Variants in SOX6 observed in about 807,000 individuals in gnomAD.
SOX6 encodes transcription factor SOX-6.
Under a neutral mutation model 97.8 loss-of-function variants are expected in SOX6, and 11 were observed. The ratio of observed to expected loss-of-function variants is 0.11; its 90% confidence interval spans 0.07 to 0.19. The LOEUF is 0.19. Among genes scored for constraint, SOX6 ranks in the 10% least tolerant of loss-of-function variants. The pLI is 1.00. For missense variants in SOX6, 810 were observed against 1,039.5 expected (o/e 0.78, Z 3.04); for synonymous variants, 360 against 371.4 (o/e 0.97, Z 0.35).
intron 4 of SOX6, among the ~76,000 whole-genome samples, chr11:16,581,238 C>T (rs1848029718): frequency 6.6e-6 from 1 of 152,098 alleles, no homozygotes; most frequent in South Asian, 2.1e-4. Context: ...AAATGTGGTA[C>T]ACATACACCA....
At chr11:16,727,584 A>G (rs1034133528) in intron 2 of SOX6, among the ~76,000 whole-genome samples, 1 of 149,452 alleles carries the variant, frequency 6.7e-6, no homozygotes, top group Non-Finnish European at 1.5e-5. Context: ...CACGCGCCAC[A>G]ACACCCAGCA....
intron 4 of SOX6, among the ~76,000 whole-genome samples, chr11:16,506,258 G>A (rs962638162): frequency 3.8e-4 from 58 of 152,322 alleles, no homozygotes; most frequent in African/African-American, 1.4e-3. Context: ...CATCACTGTG[G>A]CCTGAATGAG....
At chr11:16,151,642 A>G (rs930648927) in intron 6 of SOX6, among the ~76,000 whole-genome samples, 7 of 152,188 alleles carry the variant, frequency 4.6e-5, no homozygotes, top group African/African-American at 1.7e-4. Context: ...AAATCCTCAT[A>G]AAATCAGATA....
chr11:16,612,602 G>C (rs567803866), intron 3 of SOX6, among the ~76,000 whole-genome samples: 1 of 151,718 alleles, frequency 6.6e-6, no homozygotes, highest in African/African-American at 2.4e-5. Context: ...GGGAGTGGGG[G>C]GATGGCGATG....
intron 3 of SOX6, among the ~76,000 whole-genome samples, chr11:16,651,628 G>A (rs1310175131): frequency 6.6e-6 from 1 of 152,000 alleles, no homozygotes; most frequent in Non-Finnish European, 1.5e-5. Flanking sequence ...TTACCTCAAA[G>A]TAATAAAAGC....
intron 1 of SOX6, among the ~76,000 whole-genome samples, chr11:16,376,351 T>C (rs964562858): frequency 1.3e-5 from 2 of 152,004 alleles, no homozygotes; most frequent in East Asian, 1.9e-4. Context: ...GGAGTAGAGA[T>C]GATAGTGGAA....
At chr11:16,242,561 A>G (rs1358314563) in intron 3 of SOX6, among the ~76,000 whole-genome samples, 2 of 151,810 alleles carry the variant, frequency 1.3e-5, no homozygotes, top group African/African-American at 4.8e-5. Flanking sequence ...ACTTGTCTAT[A>G]TAAATTAGGA....
At chr11:16,234,200 G>C (rs1852946748) in intron 4 of SOX6, among the ~76,000 whole-genome samples, 1 of 151,942 alleles carries the variant, frequency 6.6e-6, no homozygotes, top group African/African-American at 2.4e-5. Context: ...AACCCATTTT[G>C]ATTAGAAGAA....
At chr11:16,067,152 G>T (rs1490764437) in intron 9 of SOX6, among the ~76,000 whole-genome samples, 1 of 152,060 alleles carries the variant, frequency 6.6e-6, no homozygotes, top group African/African-American at 2.4e-5. Context: ...TTGGACTTTT[G>T]GGCTAATACT....
chr11:16,334,576 C>T (rs1856403045), intron 2 of SOX6, among the ~76,000 whole-genome samples: 1 of 151,978 alleles, frequency 6.6e-6, no homozygotes, highest in African/African-American at 2.4e-5. Context: ...CACAGGCACG[C>T]ACCACCACGT....
intron 6 of SOX6, among the ~76,000 whole-genome samples, chr11:16,135,952 C>T (rs1849949941): frequency 6.6e-6 from 1 of 152,160 alleles, no homozygotes; most frequent in Non-Finnish European, 1.5e-5. Context: ...CAACCACCAC[C>T]CTGACCAGCC....
chr11:16,659,126 C>T (rs1415057125), intron 3 of SOX6, among the ~76,000 whole-genome samples: 1 of 152,182 alleles, frequency 6.6e-6, no homozygotes, highest in Non-Finnish European at 1.5e-5. Flanking sequence ...CCAAGGTCAC[C>T]TAGATTTTCT....
chr11:16,701,623 C>T (rs1848094220), intron 3 of SOX6, among the ~76,000 whole-genome samples: 3 of 151,756 alleles, frequency 2.0e-5, no homozygotes, highest in African/African-American at 4.8e-5. Context: ...TTTGGGAGGC[C>T]GAGGCAGGCG....
chr11:16,645,770 G>A (rs1849004128), intron 3 of SOX6, among the ~76,000 whole-genome samples: 1 of 152,140 alleles, frequency 6.6e-6, no homozygotes, highest in African/African-American at 2.4e-5. Context: ...GGTTTCAGGT[G>A]GAGACTGGCC....
At chr11:16,067,260 T>C (rs1848113813) in intron 9 of SOX6, among the ~76,000 whole-genome samples, 1 of 152,124 alleles carries the variant, frequency 6.6e-6, no homozygotes, top group African/African-American at 2.4e-5. Context: ...CAAAATAATA[T>C]GGTTTTGTTG....
chr11:16,188,556 A>G (rs1005766771), intron 4 of SOX6, among the ~76,000 whole-genome samples: 47 of 152,334 alleles, frequency 3.1e-4, no homozygotes, highest in African/African-American at 1.1e-3. Context: ...GAAAAGGACA[A>G]AAAGTTCAAC....
At chr11:16,328,727 T>C (rs954397165) in intron 2 of SOX6, among the ~76,000 whole-genome samples, 6 of 152,178 alleles carry the variant, frequency 3.9e-5, no homozygotes, top group Non-Finnish European at 7.4e-5. Context: ...CCTTCTACTA[T>C]AGTGTTATTG....
At chr11:16,561,673 C>T (rs924113287) in intron 4 of SOX6, among the ~76,000 whole-genome samples, 1 of 152,102 alleles carries the variant, frequency 6.6e-6, no homozygotes, top group African/African-American at 2.4e-5. Context: ...ATGAAACCTC[C>T]AGGGGTTACC....
At chr11:16,198,794 G>T (rs188384992) in intron 4 of SOX6, among the ~76,000 whole-genome samples, 16 of 152,286 alleles carry the variant, frequency 1.1e-4, no homozygotes, top group Admixed American at 8.5e-4. Flanking sequence ...CAGATCTCAA[G>T]GATGTTTTCC....
Sources: allele counts gnomAD v4.1 joint callset (sites outside exome capture counted in the v4.1 genomes callset), GRCh38; gene constraint gnomAD v4.1.1; transcripts MANE v1.5; gene names NCBI Gene and HGNC (gene_info 2026-07-23, HGNC 2026-07-21).